Variants in EHMT1 observed in about 807,000 individuals in gnomAD.
EHMT1 encodes the protein euchromatic histone lysine methyltransferase 1, also known as histone-lysine N-methyltransferase EHMT1.
A neutral mutation model predicts 147.2 loss-of-function variants in EHMT1; 15 were observed. That is an observed-to-expected ratio of 0.10 (90% CI 0.07 to 0.16). EHMT1 has a LOEUF of 0.16. EHMT1 is among the 10% of genes least tolerant of loss of function. EHMT1 has a pLI of 1.00. For missense variants in EHMT1, 1,587 were observed against 1,772.4 expected, an observed-to-expected ratio of 0.90 and a Z score of 1.88; for synonymous variants, 795 against 709.6, an observed-to-expected ratio of 1.12 and a Z score of -1.91.
intron 8 of EHMT1, 104 bp from the exon 9 acceptor site, chr9:137,757,776 G>T: frequency 2.0e-6 from 3 of 1,537,172 alleles, no homozygotes; most frequent in South Asian, 1.1e-5. Flanking sequence ...GGATTAATTA[G>T]AAGTAGTCCA....
chr9:137,681,950 TG>T (rs777079710), intron 1 of EHMT1, among the ~76,000 whole-genome samples: 41 of 151,652 alleles, frequency 2.7e-4, no homozygotes, highest in African/African-American at 8.7e-4. Context: ...TGTGTTTTTT[TG>T]TTTGTTTGTT....
intron 14 of EHMT1, among the ~76,000 whole-genome samples, chr9:137,780,604 G>A (rs1951357734): frequency 6.6e-5 from 9 of 136,560 alleles, no homozygotes; most frequent in African/African-American, 2.0e-4. Flanking sequence ...TGGTGATGAC[G>A]CTGGGATGTG....
chr9:137,694,516 C>T (rs1564598397), intron 1 of EHMT1, among the ~76,000 whole-genome samples: 1 of 152,062 alleles, frequency 6.6e-6, no homozygotes, highest in Non-Finnish European at 1.5e-5. Context: ...TCTCGTTGGT[C>T]GGCAGTCTTG....
chr9:137,626,847 G>A (rs1843292253), intron 1 of EHMT1, among the ~76,000 whole-genome samples: 1 of 150,618 alleles, frequency 6.6e-6, no homozygotes, highest in Non-Finnish European at 1.5e-5. Context: ...GTGCAGTGGC[G>A]TGATCTCTGC....
rs1228266692 is a variant in EHMT1 at position 137,780,410 on chromosome 9, GGATGTGTGGTGATGACGCTGA to G, written c.2275+711_2275+731del. Among the ~76,000 whole-genome samples, 58 of 125,568 alleles carry G rather than the reference GGATGTGTGGTGATGACGCTGA, an allele frequency of 4.6e-4. 2 individuals are homozygous for G. Among genetic ancestry groups the G allele is most frequent in the African/African-American group, 1.7e-3 (54 of 31,390 alleles). The allele number at this position is 125,568 out of a possible 152,430, so 82.4% of individuals were successfully genotyped here. ...GCTGGGATGTGTGGTGATGACGCTG[GGATGTGTGGTGATGACGCTGA>G]GATGTGTGGTGATGACGGCATCACT... is the stretch of plus-strand genomic sequence containing the variant. On this transcript the variant is annotated intron_variant, in intron 14 of 26. Transcript: ENST00000460843.
At chr9:137,762,990 C>A (rs1419556040) in intron 10 of EHMT1, 170 bp downstream of exon 10, 3 of 836,372 alleles carry the variant, frequency 3.6e-6, no homozygotes, top group African/African-American at 3.4e-5. Flanking sequence ...GAAATCACGG[C>A]AGATGATGAA....
intron 9 of EHMT1, among the ~76,000 whole-genome samples, chr9:137,760,796 T>C (rs902495655): frequency 1.3e-5 from 2 of 152,066 alleles, no homozygotes; most frequent in African/African-American, 4.8e-5. Context: ...GATCACAAGG[T>C]CAGGAGATCG....
chr9:137,795,680 A>C (rs1170278745), intron 16 of EHMT1, among the ~76,000 whole-genome samples: 1 of 152,192 alleles, frequency 6.6e-6, no homozygotes, highest in Non-Finnish European at 1.5e-5. Context: ...ACAACGCTGA[A>C]TGAAACGATC....
intron 1 of EHMT1, among the ~76,000 whole-genome samples, chr9:137,681,874 C>T (rs553854416): frequency 2.0e-5 from 3 of 152,150 alleles, no homozygotes; most frequent in Non-Finnish European, 2.9e-5. Context: ...GTGTCTGGTA[C>T]GTAAGCGTGA....
intron 1 of EHMT1, among the ~76,000 whole-genome samples, chr9:137,624,329 A>G (rs1843122465): frequency 7.9e-6 from 1 of 126,928 alleles, no homozygotes; most frequent in African/African-American, 3.1e-5. Context: ...TTTTTTTGAG[A>G]CATGGTTTCA....
At chr9:137,627,108 G>A (rs1843311546) in intron 1 of EHMT1, among the ~76,000 whole-genome samples, 1 of 151,884 alleles carries the variant, frequency 6.6e-6, no homozygotes, top group Non-Finnish European at 1.5e-5. Flanking sequence ...ATAGGCGTGC[G>A]CCACCACGCT....
chr9:137,625,364 T>G (rs557130084), intron 1 of EHMT1, among the ~76,000 whole-genome samples: 2 of 151,970 alleles, frequency 1.3e-5, no homozygotes, highest in East Asian at 1.9e-4. Context: ...TAGGAGGTTT[T>G]TTGTTGTTGT....
At chr9:137,754,077 G>A (rs1473465140) in intron 7 of EHMT1, 94 bp from the exon 8 acceptor site, 2 of 1,585,850 alleles carry the variant, frequency 1.3e-6, no homozygotes, top group South Asian at 1.1e-5. Flanking sequence ...GACATAGCCA[G>A]TGTTCTGTTT....
intron 6 of EHMT1, chr9:137,745,533 A>G (rs1948469181): frequency 2.5e-6 from 1 of 398,520 alleles, no homozygotes; most frequent in Non-Finnish European, 4.4e-6. Context: ...TGGCACTCTG[A>G]AACAGTCACT....
Position 137,787,593 on chromosome 9 carries a change from C to T in EHMT1, c.2383-3255C>T, listed in dbSNP as rs1415176750. 4 of 492,556 alleles carry T rather than the reference C, an allele frequency of 8.1e-6. No individual in the cohort carries two copies. The highest frequency in any genetic ancestry group is 5.5e-4 in the Middle Eastern group (1 of 1,818). The allele number at this position is 492,556 out of a possible 1,614,324, so 30.5% of individuals were successfully genotyped here. ...CGAGGCTGCTGTGGTCGCAGACAAC[C>T]GCCTCGCCTTGGCTCCCTGGCAACA... On this transcript the variant is annotated intron_variant, in intron 15 of 26. Coordinates refer to ENST00000460843, the MANE Select transcript of EHMT1 (RefSeq NM_024757.5). This position sits in a 1 kb window ranked among gnomAD's most constrained non-coding sequence, Gnocchi z 4.2.
chr9:137,666,498 A>G (rs1939663901), intron 1 of EHMT1, among the ~76,000 whole-genome samples: 1 of 152,228 alleles, frequency 6.6e-6, no homozygotes, highest in Admixed American at 6.5e-5. Context: ...TGACACTGCC[A>G]GGTGAGCAGG....
At chr9:137,716,549 G>C (rs1419323859) in intron 2 of EHMT1, 77 bp from the exon 3 acceptor site, 1 of 1,406,620 alleles carries the variant, frequency 7.1e-7, no homozygotes, top group East Asian at 2.3e-5. Context: ...TGTCATGGTG[G>C]GGGAGGAAGT....
chr9:137,672,472 G>A (rs530451873), intron 1 of EHMT1, among the ~76,000 whole-genome samples: 2 of 152,340 alleles, frequency 1.3e-5, no homozygotes, highest in South Asian at 4.1e-4. Flanking sequence ...ATTTGTACAG[G>A]AGGTTTTGAC....
At chr9:137,663,733 T>G (rs1223223102) in intron 1 of EHMT1, among the ~76,000 whole-genome samples, 1 of 152,204 alleles carries the variant, frequency 6.6e-6, no homozygotes, top group African/African-American at 2.4e-5. Flanking sequence ...TTTCTTACCC[T>G]CTGCAAGGGC....
Sources: gnomAD v4.1 joint callset for allele counts (sites outside exome capture counted in the v4.1 genomes callset) on GRCh38, gnomAD v4.1.1 for gene constraint, Gnocchi (gnomAD v3.1) non-coding constraint, MANE v1.5 for transcripts, NCBI Gene and HGNC (gene_info 2026-07-23, HGNC 2026-07-21) for gene names.